Variants in MCM3 observed in about 807,000 individuals in gnomAD.
MCM3 encodes minichromosome maintenance complex component 3.
In MCM3, 59 loss-of-function variants were observed where a neutral mutation model predicts 91.3. That is an observed-to-expected ratio of 0.65 (90% CI 0.52 to 0.80). The LOEUF is 0.80. MCM3 is among the 30% of genes least tolerant of loss of function. The pLI is 0.00. For synonymous variants in MCM3, 383 were observed against 379.6 expected, an observed-to-expected ratio of 1.01 and a Z score of -0.10; for missense variants, 919 against 1,035.4, an observed-to-expected ratio of 0.89 and a Z score of 1.54.
intron 1 of MCM3, 125 bp downstream of exon 1, chr6:52,284,472 G>A (rs9370109): frequency 3.8e-6 from 3 of 791,510 alleles, no homozygotes; most frequent in African/African-American, 1.8e-5. Flanking sequence ...GGGGCTGGAG[G>A]CTCGGGCCCG....
intron 9 of MCM3, among the ~76,000 whole-genome samples, chr6:52,275,297 T>C (rs1413405149): frequency 1.3e-5 from 2 of 152,238 alleles, no homozygotes; most frequent in African/African-American, 2.4e-5. Context: ...GCATGAGCTC[T>C]GGGCTCAAAT....
chr6:52,282,678 G>T lies in MCM3; in HGVS notation c.375C>A (p.Val125=). The T allele has an allele frequency of 6.2e-7, 1 of 1,613,508 alleles. No individual in the cohort carries two copies. The highest frequency in any genetic ancestry group is 8.5e-7 in the Non-Finnish European group (1 of 1,180,014). The change falls in exon 3 of 17, where the codon GTC becomes GTA. Residue 125 remains valine (V), a synonymous_variant. Coordinates refer to ENST00000596288, the MANE Select transcript of MCM3 (RefSeq NM_002388.6). ...ATTTAGTGACAATGCCCTCCACACA[G>T]ACCACACAGCTGAGGAAGCAGGAGG... is the stretch of plus-strand genomic sequence containing the variant. ...TLTSCFLSCV[V]CVEGIVTKCS...
At chr6:52,275,238 C>T (rs1440801325) in intron 9 of MCM3, among the ~76,000 whole-genome samples, 4 of 152,188 alleles carry the variant, frequency 2.6e-5, no homozygotes, top group African/African-American at 9.7e-5. Flanking sequence ...CGCATCGCAA[C>T]AAGGTGTTCC....
chr6:52,273,797 T>A lies in MCM3; in HGVS notation c.1494A>T (p.Ser498=), dbSNP rs756134154. 32 of 1,613,962 alleles carry A rather than the reference T, an allele frequency of 2.0e-5. No individual in the cohort carries two copies. The Admixed American group carries it at 5.2e-4, about 26-fold the overall frequency. Residue 498 remains serine, a synonymous_variant, in exon 10 of 17, where the codon TCA becomes TCT. Transcript: ENST00000596288. ...QMDPEQDREI[S]DHVLRMHRYR... Reference sequence around the variant, plus strand: ...AACGGTGCATCCGAAGGACATGGTCTGAGATCTCCCGATCCTGCTCAGGAT... The same window carrying A: ...AACGGTGCATCCGAAGGACATGGTCAGAGATCTCCCGATCCTGCTCAGGAT...
At position 52,273,336 on chromosome 6, in the gene MCM3, C is replaced by T. The variant is rs1226413914; in HGVS notation, c.1570G>A (p.Val524Met). 4 of 1,614,058 alleles carry T rather than the reference C, an allele frequency of 2.5e-6. No individual in the cohort carries two copies. Among genetic ancestry groups the T allele is most frequent in the Admixed American group, 3.3e-5 (2 of 60,008 alleles). Residue 524 changes from valine to methionine, a missense_variant, in exon 11 of 17, where the codon GTG becomes ATG. Val to Met is a conservative substitution (Grantham distance 21). This residue lies in a region of MCM3 where 233 missense variants were observed against 321.2 expected (regional missense o/e 0.73). Transcript: ENST00000596288. ...DGDAMPLGSA[V>M]DILATDDPNF... is the part of the protein sequence containing the mutation. ...GGATCATCTGTGGCCAGGATATCCA[C>T]AGCACTACCCAAGGGCATAGCTGGT...
At chr6:52,269,722 C>CA (rs1209960200) in intron 12 of MCM3, among the ~76,000 whole-genome samples, 2 of 152,328 alleles carry the variant, frequency 1.3e-5, no homozygotes, top group Admixed American at 6.5e-5. Context: ...TCAGTAAACT[C>CA]AGTCCGGAGA....
chr6:52,271,560 T>C (rs1405953395), intron 12 of MCM3, among the ~76,000 whole-genome samples: 1 of 152,064 alleles, frequency 6.6e-6, no homozygotes, highest in Non-Finnish European at 1.5e-5. Context: ...AACAATCGCT[T>C]GAACCAGGGA....
At chr6:52,284,536 G>A (rs1766470620) in intron 1 of MCM3, 61 bp downstream of exon 1, 1 of 1,500,382 alleles carries the variant, frequency 6.7e-7, no homozygotes, top group African/African-American at 1.4e-5. Flanking sequence ...CTGGCTTCCC[G>A]GCCGGGCCGC....
intron 1 of MCM3, 106 bp downstream of exon 1, chr6:52,284,491 C>T (rs1307654660): frequency 2.8e-5 from 29 of 1,023,300 alleles, no homozygotes; most frequent in Non-Finnish European, 3.7e-5. Context: ...CGGCAGGCTC[C>T]GCTGCGGCAC....
At chr6:52,272,200 A>C (rs999039441) in intron 12 of MCM3, 101 bp downstream of exon 12, 2 of 1,288,564 alleles carry the variant, frequency 1.6e-6, no homozygotes, top group Non-Finnish European at 2.1e-6. Context: ...CCAGGAAAAA[A>C]GTCACTAAGT....
intron 4 of MCM3, among the ~76,000 whole-genome samples, chr6:52,280,526 C>A (rs1283854321): frequency 2.0e-5 from 3 of 152,190 alleles, no homozygotes; most frequent in African/African-American, 7.2e-5. Flanking sequence ...TCCCCCAGGT[C>A]ACACAGTTAA....
At chr6:52,269,705 C>A (rs1003283061) in intron 12 of MCM3, among the ~76,000 whole-genome samples, 9 of 152,158 alleles carry the variant, frequency 5.9e-5, no homozygotes, top group Admixed American at 1.3e-4. Context: ...AGGACAAAAA[C>A]GTAACTTCAG....
chr6:52,271,524 C>T (rs1765126727), intron 12 of MCM3, among the ~76,000 whole-genome samples: 1 of 152,090 alleles, frequency 6.6e-6, no homozygotes, highest in Non-Finnish European at 1.5e-5. Context: ...TGCCTGTAAT[C>T]CCAGCTACTC....
chr6:52,282,895 G>A (rs780231089), intron 2 of MCM3, 34 bp from the exon 3 acceptor site: 2 of 1,517,274 alleles, frequency 1.3e-6, no homozygotes, highest in Admixed American at 1.8e-5. Context: ...AAATTAGACT[G>A]GGCAGAACTC....
Position 52,276,513 on chromosome 6 carries a change from T to C in MCM3, c.1166-37A>G, listed in dbSNP as rs112384783. On this transcript the variant is annotated intron_variant, in intron 8 of 16. Coordinates refer to ENST00000596288, the MANE Select transcript of MCM3 (RefSeq NM_002388.6). ...GAAGGTAAAAATACGTGCTACAGTC[T>C]AGGTTATAGGGGCCAGAAGGGAAGG... The C allele has an allele frequency of 9.6e-4, 1,476 of 1,535,058 alleles. 13 individuals carry two copies. In the African/African-American group the frequency reaches 0.018, roughly 18 times the overall value.
In MCM3 at chr6:52,269,346, C is replaced by G. The variant is rs77696013; in HGVS notation, c.1828-120G>C. ...CCCCAGGAGGCCCAAGCAAAGAATT[C>G]AGAGTTCTGTGTTCTCTACAGATAC... On this transcript the variant is annotated intron_variant, in intron 12 of 16. Transcript: ENST00000596288. The G allele has an allele frequency of 2.6e-4, 229 of 895,524 alleles. No individual in the cohort carries two copies. The East Asian group carries it at 5.6e-3, about 22-fold the overall frequency. The allele number at this position is 895,524 out of a possible 1,614,324, so 55.5% of individuals were successfully genotyped here.
At position 52,279,695 on chromosome 6, in the gene MCM3, T is replaced by G. The variant is rs143903036; in HGVS notation, c.532-96A>C. The G allele has an allele frequency of 3.3e-4, 318 of 957,864 alleles. No individual in the cohort carries two copies. In the African/African-American group the frequency reaches 3.7e-3, roughly 11 times the overall value. The allele number at this position is 957,864 out of a possible 1,614,324, so 59.3% of individuals were successfully genotyped here. ...GGCAAATAAGATGACTTCATAAAATTTTATTATTCAGTAACAAAAAAAGCC... is the reference window on the plus strand; with the variant it reads ...GGCAAATAAGATGACTTCATAAAATGTTATTATTCAGTAACAAAAAAAGCC... On this transcript the variant is annotated intron_variant, in intron 4 of 16. Coordinates refer to ENST00000596288, the MANE Select transcript of MCM3 (RefSeq NM_002388.6).
rs767670977 is a variant in MCM3 at position 52,273,250 on chromosome 6, TAGA to T, written c.1653_1655del (p.Leu552del). ...CTCACTTTTTCTTCTTGGTCCCATG[TAGA>T]AGGTTGTCATGCTTCTCATAAATCT... is the stretch of plus-strand genomic sequence containing the variant. On this transcript the variant is annotated inframe_deletion, in exon 11 of 17. Coordinates refer to ENST00000596288, the MANE Select transcript of MCM3 (RefSeq NM_002388.6). The T allele has an allele frequency of 6.2e-7, 1 of 1,614,258 alleles. No individual in the cohort carries two copies. The highest frequency in any genetic ancestry group is 8.5e-7 in the Non-Finnish European group (1 of 1,180,030).
chr6:52,275,237 A>C (rs551513223), intron 9 of MCM3, among the ~76,000 whole-genome samples: 20 of 152,350 alleles, frequency 1.3e-4, no homozygotes, highest in South Asian at 1.0e-3. Flanking sequence ...TCGCATCGCA[A>C]CAAGGTGTTC....
Sources: gnomAD v4.1 joint callset for allele counts (sites outside exome capture counted in the v4.1 genomes callset) on GRCh38, gnomAD v4.1.1 for gene constraint, gnomAD v4.1.1 regional missense constraint, MANE v1.5 for transcripts, NCBI Gene and HGNC (gene_info 2026-07-23, HGNC 2026-07-21) for gene names.